RAB11FIP4: variants seen among roughly 807,000 people sequenced by gnomAD.
The protein encoded by RAB11FIP4 is rab11 family-interacting protein 4.
In RAB11FIP4, 23 loss-of-function variants were observed where a neutral mutation model predicts 74.3. The observed-to-expected ratio is 0.31, with a 90% confidence interval of 0.22 to 0.44. The LOEUF is 0.44. Among genes scored for constraint, RAB11FIP4 ranks in the 20% least tolerant of loss-of-function variants. The pLI is 1.00. For synonymous variants in RAB11FIP4, 360 were observed against 359.9 expected, an observed-to-expected ratio of 1.00 and a Z score of 0.00; for missense variants, 630 against 863.9, an observed-to-expected ratio of 0.73 and a Z score of 3.39.
chr17:31,392,055 AGCCC>A, intron 1 of RAB11FIP4, 44 bp downstream of exon 1: 1 of 1,088,390 alleles, frequency 9.2e-7, no homozygotes, highest in Non-Finnish European at 1.1e-6. Flanking sequence ...ACCCCAGCCC[AGCCC>A]CGCCGCCCCT....
intron 1 of RAB11FIP4, among the ~76,000 whole-genome samples, chr17:31,409,437 T>G (rs2071072593): frequency 6.6e-6 from 1 of 152,174 alleles, no homozygotes; most frequent in African/African-American, 2.4e-5. Flanking sequence ...AGTCTCCACT[T>G]GGCCAGGCCT....
chr17:31,434,799 AGG>A (rs2071342572), intron 3 of RAB11FIP4, among the ~76,000 whole-genome samples: 1 of 152,262 alleles, frequency 6.6e-6, no homozygotes, highest in African/African-American at 2.4e-5. Context: ...TATGGGGAGC[AGG>A]GATGCAGAGC....
At chr17:31,411,129 C>T (rs1021476973) in intron 1 of RAB11FIP4, among the ~76,000 whole-genome samples, 6 of 152,200 alleles carry the variant, frequency 3.9e-5, no homozygotes, top group South Asian at 2.1e-4. Flanking sequence ...TTTGGGAGGC[C>T]GAGGCGGGTG....
chr17:31,410,501 G>T (rs1206089368), intron 1 of RAB11FIP4, among the ~76,000 whole-genome samples: 1 of 151,986 alleles, frequency 6.6e-6, no homozygotes, highest in African/African-American at 2.4e-5. Context: ...ATCACTTGAG[G>T]CTAGGAGTTG....
At chr17:31,405,763 T>A (rs1265241008) in intron 1 of RAB11FIP4, among the ~76,000 whole-genome samples, 1 of 152,240 alleles carries the variant, frequency 6.6e-6, no homozygotes, top group African/African-American at 2.4e-5. Context: ...AGTTTTACTT[T>A]TATAGTAGGA....
rs531106831 is a variant in RAB11FIP4 at position 31,537,960 on chromosome 17, T to C, written c.*6228T>C. 3 of 152,754 alleles carry C rather than the reference T, an allele frequency of 2.0e-5. No homozygotes were observed. The South Asian group carries it at 6.2e-4, about 32-fold the overall frequency. The allele number at this position is 152,754 out of a possible 1,614,324, so 9.5% of individuals were successfully genotyped here. A position where few individuals can be genotyped will look rare whatever the true frequency, so the allele number is the denominator to read the frequency against. On this transcript the variant is annotated 3_prime_UTR_variant, in exon 15 of 15. Transcript: ENST00000621161. ...GTTTGTTAGATGGCCTCTGACTCTG[T>C]GGGATTCAACTTGACTTTTTTGCCC... is the stretch of plus-strand genomic sequence containing the variant.
At chr17:31,439,738 T>C (rs2071391331) in intron 3 of RAB11FIP4, among the ~76,000 whole-genome samples, 1 of 152,202 alleles carries the variant, frequency 6.6e-6, no homozygotes, top group South Asian at 2.1e-4. Context: ...GGCCCCGCAA[T>C]TAGCTGGTAC....
intron 14 of RAB11FIP4, among the ~76,000 whole-genome samples, chr17:31,530,818 T>C (rs1597989294): frequency 6.6e-6 from 1 of 152,128 alleles, no homozygotes; most frequent in South Asian, 2.1e-4. Context: ...GGGAGGACAT[T>C]AGCATTTCCC....
intron 2 of RAB11FIP4, among the ~76,000 whole-genome samples, chr17:31,432,162 T>C (rs1181004644): frequency 6.6e-6 from 1 of 152,092 alleles, no homozygotes; most frequent in Non-Finnish European, 1.5e-5. Flanking sequence ...GAAAGCCTCC[T>C]TCCCTGCTTT....
At chr17:31,506,939 C>A (rs1379253216) in intron 3 of RAB11FIP4, among the ~76,000 whole-genome samples, 1 of 152,084 alleles carries the variant, frequency 6.6e-6, no homozygotes, top group African/African-American at 2.4e-5. Context: ...GTTTTAAATT[C>A]TTTGAGGAAC....
intron 4 of RAB11FIP4, among the ~76,000 whole-genome samples, chr17:31,519,330 T>C (rs1169644192): frequency 1.3e-5 from 2 of 152,164 alleles, no homozygotes; most frequent in Non-Finnish European, 2.9e-5. Context: ...TCATTTTAAT[T>C]ACTTCCCATC....
intron 3 of RAB11FIP4, among the ~76,000 whole-genome samples, chr17:31,447,226 A>G (rs373405624): frequency 3.6e-4 from 55 of 152,094 alleles, no homozygotes; most frequent in East Asian, 3.5e-3. Context: ...GGAGCTTGCA[A>G]TGAGCCGAGA....
rs2071288136 is a variant in RAB11FIP4 at position 31,429,765 on chromosome 17, C to T, written c.160-2048C>T. 3.5e-5 allele frequency among the ~76,000 whole-genome samples: 5 copies of T among 141,098 alleles called. No individual in the cohort carries two copies. In the Admixed American group the frequency reaches 4.0e-4, roughly 11 times the overall value. 92.6% of individuals were successfully genotyped at this position (141,098 alleles called of 152,430 possible). A position where few individuals can be genotyped will look rare whatever the true frequency, so the allele number is the denominator to read the frequency against. On this transcript the variant is annotated intron_variant, in intron 1 of 14. Coordinates refer to ENST00000621161, the MANE Select transcript of RAB11FIP4 (RefSeq NM_032932.6). ...AATCTCTTGAACCTGGGAGGCGGAG[C>T]TTGCAGTGAGCTGAGATTGCGCCAC...
At chr17:31,433,906 TG>T in intron 2 of RAB11FIP4, 127 bp from the exon 3 acceptor site, 2 of 825,930 alleles carry the variant, frequency 2.4e-6, no homozygotes, top group Non-Finnish European at 3.9e-6. Flanking sequence ...AGTGCTCAGC[TG>T]GCCTCCTGGA....
rs1175112917 is a variant in RAB11FIP4 at position 31,531,779 on chromosome 17, G to A, written c.*47G>A. ...CAGCCTTAGGACCCTGGGACCAAGG[G>A]CAGACCCTGCCCAAGGATGCAGGCC... is the stretch of plus-strand genomic sequence containing the variant. On this transcript the variant is annotated 3_prime_UTR_variant, in exon 15 of 15. Coordinates refer to ENST00000621161, the MANE Select transcript of RAB11FIP4 (RefSeq NM_032932.6). 1.6e-6 allele frequency: 2 copies of A among 1,281,780 alleles called. No individual in the cohort carries two copies. Among genetic ancestry groups the A allele is most frequent in the Non-Finnish European group, 2.3e-6 (2 of 881,558 alleles). 79.4% of individuals were successfully genotyped at this position (1,281,780 alleles called of 1,614,324 possible).
rs768200536 is a variant in RAB11FIP4, at chr17:31,521,226, G to T, written c.624G>T (p.Ser208=). The T allele has an allele frequency of 6.2e-7, 1 of 1,613,746 alleles. No homozygotes were observed. Among genetic ancestry groups the T allele is most frequent in the Non-Finnish European group, 8.5e-7 (1 of 1,179,786 alleles). ...ACCTTTCTACACACTCCACCACCTC[G>T]CTCATCAGCAATGAGGAGCAGTTTG... ...TSDLSTHSTT[S]LISNEEQFED... is the part of the protein sequence containing the mutation. The change falls in exon 5 of 15, where the codon TCG becomes TCT. Residue 208 remains serine (S), a synonymous_variant. Coordinates refer to ENST00000621161, the MANE Select transcript of RAB11FIP4 (RefSeq NM_032932.6).
chr17:31,471,395 TATA>T, intron 3 of RAB11FIP4, among the ~76,000 whole-genome samples: 1 of 152,054 alleles, frequency 6.6e-6, no homozygotes, highest in Non-Finnish European at 1.5e-5. Flanking sequence ...TGTCCAGGAT[TATA>T]ATATTTGGTC....
chr17:31,481,453 C>T (rs1032446865), intron 3 of RAB11FIP4, among the ~76,000 whole-genome samples: 1 of 152,102 alleles, frequency 6.6e-6, no homozygotes, highest in Non-Finnish European at 1.5e-5. Context: ...AGTTAATAGC[C>T]AATCAGAGAC....
intron 3 of RAB11FIP4, among the ~76,000 whole-genome samples, chr17:31,439,610 T>G (rs928476760): frequency 2.0e-5 from 3 of 152,180 alleles, no homozygotes; most frequent in Non-Finnish European, 4.4e-5. Flanking sequence ...GTATATTCTG[T>G]TTTTTGCTTG....
Sources: allele counts gnomAD v4.1 joint callset (sites outside exome capture counted in the v4.1 genomes callset), GRCh38; gene constraint gnomAD v4.1.1; transcripts MANE v1.5; gene names NCBI Gene and HGNC (gene_info 2026-07-23, HGNC 2026-07-21).